The following CFH variants were observed in gnomAD, a reference collection of about 807,000 sequenced individuals.
CFH encodes the protein H factor 1 (complement).
A neutral mutation model predicts 147.3 loss-of-function variants in CFH; 53 were observed. The observed-to-expected ratio is 0.36, with a 90% CI of 0.29 to 0.45. The LOEUF is 0.45. Among genes scored for constraint, CFH ranks in the 20% least tolerant of loss-of-function variants. The pLI is 1.00. For synonymous variants in CFH, 536 were observed against 489.4 expected (o/e 1.10, Z -1.26); for missense variants, 1,380 against 1,498.0 (o/e 0.92, Z 1.30).
At chr1:196,710,879 A>G (rs1433955090) in intron 9 of CFH, among the ~76,000 whole-genome samples, 1 of 152,112 alleles carries the variant, frequency 6.6e-6, no homozygotes, top group Admixed American at 6.6e-5. Flanking sequence ...TGTTTAATAG[A>G]CAGAATTTAT....
In CFH at chr1:196,742,559, T is replaced by A. The variant is rs72734357; in HGVS notation, c.3133+508T>A. Among the ~76,000 whole-genome samples, 844 of 152,314 alleles carry A rather than the reference T, an allele frequency of 5.5e-3. 19 individuals are homozygous for A. Among genetic ancestry groups the A allele is most frequent in the Non-Finnish European group, 6.0e-3 (407 of 68,020 alleles). On this transcript the variant is annotated intron_variant, in intron 19 of 21. Transcript: ENST00000367429. ...AAGATGGAACTGAGTATTTGATGAT[T>A]AATCTTAGCTCAATAGTTCTCAAAG...
intron 1 of CFH, among the ~76,000 whole-genome samples, chr1:196,669,418 G>A (rs1227222902): frequency 6.6e-6 from 1 of 152,202 alleles, no homozygotes; most frequent in African/African-American, 2.4e-5. Flanking sequence ...CCCATCACAG[G>A]CCTGGTTGCC....
At chr1:196,665,789 T>A (rs2149072734) in intron 1 of CFH, among the ~76,000 whole-genome samples, 1 of 152,300 alleles carries the variant, frequency 6.6e-6, no homozygotes, top group East Asian at 1.9e-4. Context: ...GTATTTTTAG[T>A]AGAGACGGGG....
chr1:196,692,744 C>CTT (rs1553275212), intron 9 of CFH, among the ~76,000 whole-genome samples: 2 of 131,474 alleles, frequency 1.5e-5, no homozygotes, highest in Admixed American at 8.1e-5. Flanking sequence ...CCCTTCCTTT[C>CTT]TTTTTCTTTC....
chr1:196,689,274 T>C (rs1020684502), intron 7 of CFH, 146 bp from the exon 8 acceptor site: 53 of 703,638 alleles, frequency 7.5e-5, no homozygotes, highest in Non-Finnish European at 1.1e-4. Context: ...ATCTGAGTTC[T>C]ATCATTTGTT....
rs1652888118 is a variant in CFH, at chr1:196,743,519, T to C, written c.3201T>C (p.Tyr1067=). The part of the protein sequence containing the change: ...AYIVSRQMSK[Y]PSGERVRYQC... ...TAGTGTCGAGACAGATGAGTAAATA[T>C]CCATCTGGTGAGAGAGTACGTTATC... Residue 1067 remains tyrosine (Y), a synonymous_variant, in exon 20 of 22, where the codon TAT becomes TAC. Transcript: ENST00000367429. 1 of 1,613,880 alleles carries C rather than the reference T, an allele frequency of 6.2e-7. No individual in the cohort carries two copies. Among genetic ancestry groups the C allele is most frequent in the South Asian group, 1.1e-5 (1 of 91,080 alleles).
chr1:196,666,744 G>C (rs1237501066), intron 1 of CFH, among the ~76,000 whole-genome samples: 1 of 150,486 alleles, frequency 6.6e-6, no homozygotes, highest in Non-Finnish European at 1.5e-5. Flanking sequence ...CCCAGGAGTG[G>C]AGGTTGTGGT....
intron 11 of CFH, among the ~76,000 whole-genome samples, chr1:196,722,708 C>T (rs992576508): frequency 6.6e-6 from 1 of 152,110 alleles, no homozygotes; most frequent in Non-Finnish European, 1.5e-5. Flanking sequence ...TCAAGAATAT[C>T]TATAACTCTT....
At chr1:196,692,765 TC>T (rs1668093066) in intron 9 of CFH, among the ~76,000 whole-genome samples, 1 of 43,014 alleles carries the variant, frequency 2.3e-5, no homozygotes, top group Non-Finnish European at 4.3e-5. Context: ...TTTCTTTCTT[TC>T]TTTCTTTCTT....
intron 17 of CFH, among the ~76,000 whole-genome samples, chr1:196,739,670 C>T (rs1168466802): frequency 1.3e-5 from 2 of 152,126 alleles, no homozygotes; most frequent in African/African-American, 4.8e-5. Flanking sequence ...TCTTCTGAGC[C>T]GTCCAACTCC....
At chr1:196,740,514 G>C in intron 17 of CFH, 105 bp from the exon 18 acceptor site, 1 of 1,088,308 alleles carries the variant, frequency 9.2e-7, no homozygotes, top group South Asian at 1.5e-5. Flanking sequence ...TGTCATAGTA[G>C]CTCCTGTATT....
chr1:196,709,867 G>A (rs1668683104), intron 9 of CFH, among the ~76,000 whole-genome samples: 1 of 151,998 alleles, frequency 6.6e-6, no homozygotes, highest in South Asian at 2.1e-4. Context: ...AAATTAGCCG[G>A]GCATTATGGC....
At chr1:196,674,317 A>G (rs1300892110) in intron 3 of CFH, among the ~76,000 whole-genome samples, 7 of 152,190 alleles carry the variant, frequency 4.6e-5, no homozygotes, top group Non-Finnish European at 1.0e-4. Flanking sequence ...TAACCAATTT[A>G]TATTGTATGG....
At chr1:196,741,815 T>G in intron 18 of CFH, 60 bp from the exon 19 acceptor site, 1 of 1,440,444 alleles carries the variant, frequency 6.9e-7, no homozygotes, top group Admixed American at 1.7e-5. Flanking sequence ...CCATTACATG[T>G]ATTGTATGTA....
At chr1:196,683,076 G>T (rs1022995979) in intron 6 of CFH, among the ~76,000 whole-genome samples, 1 of 151,246 alleles carries the variant, frequency 6.6e-6, no homozygotes, top group Non-Finnish European at 1.5e-5. Flanking sequence ...TGACAAGTAT[G>T]CAGGGCCCAA....
intron 9 of CFH, chr1:196,701,673 C>A: frequency 3.5e-6 from 1 of 289,808 alleles, no homozygotes; most frequent in Non-Finnish European, 6.7e-6. Context: ...TCTTTGAGGG[C>A]ATTTACTCAC....
At chr1:196,742,114 C>G in intron 19 of CFH, 63 bp downstream of exon 19, 1 of 1,527,080 alleles carries the variant, frequency 6.5e-7, no homozygotes, top group Non-Finnish European at 9.0e-7. Context: ...GTGGCTGGCG[C>G]CTGTAATCCC....
rs775273937 is a variant in CFH at position 196,673,896 on chromosome 1, CT to C, written c.288del (p.Phe96LeufsTer13). The C allele has an allele frequency of 6.2e-7, 1 of 1,613,214 alleles. No homozygotes were observed. Among genetic ancestry groups the C allele is most frequent in the East Asian group, 2.2e-5 (1 of 44,738 alleles). On this transcript the variant is annotated frameshift_variant, in exon 3 of 22. Coordinates refer to ENST00000367429, the MANE Select transcript of CFH (RefSeq NM_000186.4). LOFTEE classifies it high-confidence loss of function. ...CGHPGDTPFG[T>X]FTLTGGNVFE... ...CATCCTGGAGATACTCCTTTTGGTA[CT>C]TTTACCCTTACAGGAGGAAATGTGT... is the stretch of plus-strand genomic sequence containing the variant.
rs969362813 is a variant in CFH at position 196,666,603 on chromosome 1, C to A, written c.59-6375C>A. Among the ~76,000 whole-genome samples, 8 of 151,408 alleles carry A rather than the reference C, an allele frequency of 5.3e-5. No homozygotes were observed. In the South Asian group the frequency reaches 1.7e-3, roughly 32 times the overall value. On this transcript the variant is annotated intron_variant, in intron 1 of 21. Transcript: ENST00000367429. The stretch of plus-strand genomic sequence containing the variant: ...GCCGAGGTCAGGAGATTGAGACCAT[C>A]CTGGCTAACACGGTGAAACACCGTT...
Sources: allele counts gnomAD v4.1 joint callset (sites outside exome capture counted in the v4.1 genomes callset), GRCh38; gene constraint gnomAD v4.1.1; transcripts MANE v1.5; gene names NCBI Gene and HGNC (gene_info 2026-07-23, HGNC 2026-07-21).